Variants in NR3C2 observed in about 807,000 individuals in gnomAD.
NR3C2 encodes nuclear receptor subfamily 3 group C member 2.
A neutral mutation model predicts 86.4 loss-of-function variants in NR3C2; 15 were observed. The observed-to-expected ratio is 0.17, with a 90% CI of 0.12 to 0.27. The LOEUF is 0.27. Ranked by LOEUF, NR3C2 falls within the 10% of genes least tolerant of loss-of-function variation. The pLI is 1.00. For missense variants in NR3C2, 960 were observed against 1,195.6 expected (o/e 0.80, Z 2.91); for synonymous variants, 458 against 450.5 (o/e 1.02, Z -0.21).
intron 8 of NR3C2, among the ~76,000 whole-genome samples, chr4:148,107,724 T>C (rs920695638): frequency 1.3e-5 from 2 of 152,196 alleles, no homozygotes; most frequent in Non-Finnish European, 2.9e-5. Flanking sequence ...GAAGCCATCA[T>C]TCTCAGCAAA....
intron 2 of NR3C2, among the ~76,000 whole-genome samples, chr4:148,267,700 T>C (rs942655557): frequency 1.3e-5 from 2 of 152,136 alleles, no homozygotes; most frequent in Admixed American, 1.3e-4. Context: ...CATTATATCA[T>C]TAAGATAAAT....
At chr4:148,244,369 T>G (rs1228218551) in intron 3 of NR3C2, among the ~76,000 whole-genome samples, 2 of 152,194 alleles carry the variant, frequency 1.3e-5, no homozygotes, top group Non-Finnish European at 2.9e-5. Flanking sequence ...CCGAAGGCAC[T>G]CCCTCCCCTC....
intron 2 of NR3C2, among the ~76,000 whole-genome samples, chr4:148,394,518 C>CAA (rs112908192): frequency 0.069 from 9,238 of 132,932 alleles, 385 homozygotes; most frequent in African/African-American, 0.13. Flanking sequence ...CAACTCTACT[C>CAA]AAAAAAAAAA....
chr4:148,156,869 G>A (rs189373488), intron 4 of NR3C2, among the ~76,000 whole-genome samples: 70 of 152,036 alleles, frequency 4.6e-4, no homozygotes, highest in African/African-American at 1.5e-3. Flanking sequence ...TGTTTATTGC[G>A]GCACTATTCA....
intron 4 of NR3C2, among the ~76,000 whole-genome samples, chr4:148,193,048 C>G (rs1195522349): frequency 6.6e-6 from 1 of 152,196 alleles, no homozygotes; most frequent in East Asian, 1.9e-4. Flanking sequence ...AATTCCTTCT[C>G]CTTGTGGAGT....
At chr4:148,338,087 A>G (rs1246247578) in intron 2 of NR3C2, among the ~76,000 whole-genome samples, 1 of 152,176 alleles carries the variant, frequency 6.6e-6, no homozygotes. Flanking sequence ...TTAATGCTAT[A>G]TGTACAGGTC....
chr4:148,210,427 G>C (rs1014619617), intron 3 of NR3C2, among the ~76,000 whole-genome samples: 1 of 152,154 alleles, frequency 6.6e-6, no homozygotes, highest in East Asian at 1.9e-4. Flanking sequence ...CAGAGCTCAG[G>C]CAATCTGCCT....
At chr4:148,139,247 A>T (rs1293768262) in intron 6 of NR3C2, among the ~76,000 whole-genome samples, 3 of 152,154 alleles carry the variant, frequency 2.0e-5, no homozygotes, top group African/African-American at 2.4e-5. Context: ...TTATGTAGCT[A>T]AAAAACTCTG....
chr4:148,228,519 T>C (rs1170023374), intron 3 of NR3C2, among the ~76,000 whole-genome samples: 6 of 152,202 alleles, frequency 3.9e-5, no homozygotes, highest in African/African-American at 1.4e-4. Flanking sequence ...GTCTTTCTTC[T>C]TTTAAGCTAT....
rs1487127786 is a variant in NR3C2, at chr4:148,286,301, T to C, written c.1758-26184A>G. On this transcript the variant is annotated intron_variant, in intron 2 of 8. Coordinates refer to ENST00000358102, the MANE Select transcript of NR3C2 (RefSeq NM_000901.5). ...AACTTAGCTTTAAGCCAGTCTCTGCTGTCTTTTGTAGGACTTTATTTAATT... is the reference window on the plus strand; with the variant it reads ...AACTTAGCTTTAAGCCAGTCTCTGCCGTCTTTTGTAGGACTTTATTTAATT... Among the ~76,000 whole-genome samples the C allele has an allele frequency of 2.6e-5, 4 of 152,180 alleles. No homozygotes were observed. In the East Asian group the frequency reaches 7.7e-4, roughly 29 times the overall value.
chr4:148,444,137 G>A (rs912121048), upstream of NR3C2: 13 of 985,416 alleles, frequency 1.3e-5, no homozygotes, highest in Non-Finnish European at 1.6e-5. Flanking sequence ...GCGGGAGCAA[G>A]GGGAGTCCCG....
chr4:148,215,371 T>G (rs1737479383), intron 3 of NR3C2, among the ~76,000 whole-genome samples: 1 of 152,352 alleles, frequency 6.6e-6, no homozygotes, highest in South Asian at 2.1e-4. Flanking sequence ...ATCCATGAAC[T>G]GCTGCTGCAT....
chr4:148,417,796 GTTTCT>G (rs1248206457), intron 2 of NR3C2, among the ~76,000 whole-genome samples: 1 of 152,122 alleles, frequency 6.6e-6, no homozygotes, highest in African/African-American at 2.4e-5. Context: ...CCCTAACAGG[GTTTCT>G]TTTGTTTTCA....
intron 2 of NR3C2, among the ~76,000 whole-genome samples, chr4:148,364,422 T>A (rs1746006752): frequency 6.6e-6 from 1 of 152,182 alleles, no homozygotes; most frequent in African/African-American, 2.4e-5. Flanking sequence ...TTTGCTTCCA[T>A]GAATGGTAAT....
chr4:148,309,980 G>C (rs1309546925), intron 2 of NR3C2, among the ~76,000 whole-genome samples: 1 of 151,896 alleles, frequency 6.6e-6, no homozygotes, highest in Non-Finnish European at 1.5e-5. Context: ...CTCCAAGGGC[G>C]GGGGTGGAGG....
chr4:148,356,312 A>G (rs1277305360), intron 2 of NR3C2, among the ~76,000 whole-genome samples: 1 of 152,236 alleles, frequency 6.6e-6, no homozygotes, highest in Non-Finnish European at 1.5e-5. Flanking sequence ...TGTACAAATG[A>G]TGTTGCTAGT....
At chr4:148,135,989 G>A (rs1269878673) in intron 6 of NR3C2, among the ~76,000 whole-genome samples, 2 of 118,996 alleles carry the variant, frequency 1.7e-5, no homozygotes, top group South Asian at 2.8e-4. Context: ...CCCGGGAGGC[G>A]GAGCTTGCAG....
Position 148,435,875 on chromosome 4 carries a change from G to A in NR3C2, c.986C>T (p.Thr329Ile). The A allele has an allele frequency of 6.2e-7, 1 of 1,614,210 alleles. No homozygotes were observed. The highest frequency in any genetic ancestry group is 1.3e-5 in the African/African-American group (1 of 75,058). The change falls in exon 2 of 9, where the codon ACT (threonine) becomes ATT (isoleucine). Residue 329 changes from threonine to isoleucine, a missense_variant. Around this residue, in one of 4 missense-constraint regions of NR3C2, gnomAD observed 680 missense variants for 719.0 expected, o/e 0.95. Transcript: ENST00000358102. ...TACAGGGCTACAGATAGATCCCACA[G>A]TACTGGCTGCCGGACTGGAAAGCGT... is the stretch of plus-strand genomic sequence containing the variant. ...RSTLSSPAASTVGSICSPVNN... is the reference protein window; with the variant it reads ...RSTLSSPAASIVGSICSPVNN...
At chr4:148,356,877 C>CA (rs902108501) in intron 2 of NR3C2, among the ~76,000 whole-genome samples, 7 of 145,228 alleles carry the variant, frequency 4.8e-5, no homozygotes, top group African/African-American at 1.8e-4. Flanking sequence ...TTTCAATGAA[C>CA]AAAAGCACAC....
Sources: allele counts gnomAD v4.1 joint callset (sites outside exome capture counted in the v4.1 genomes callset), GRCh38; gene constraint gnomAD v4.1.1; regional missense constraint gnomAD v4.1.1; transcripts MANE v1.5; gene names NCBI Gene and HGNC (gene_info 2026-07-23, HGNC 2026-07-21).